NCOA2: variants seen among roughly 807,000 people sequenced by gnomAD.
NCOA2 encodes the protein nuclear receptor coactivator 2.
NCOA2 carries 21 observed loss-of-function variants against 145.1 expected under a neutral mutation model. The observed-to-expected ratio is 0.14, with a 90% CI of 0.10 to 0.21. The LOEUF is 0.21. Among genes scored for constraint, NCOA2 ranks in the 10% least tolerant of loss-of-function variants. NCOA2 has a pLI of 1.00. For missense variants in NCOA2, 1,472 were observed against 1,837.6 expected (o/e 0.80, Z 3.64); for synonymous variants, 619 against 637.5 (o/e 0.97, Z 0.44).
At chr8:70,116,397 C>A (rs1807134583) in intron 22 of NCOA2, among the ~76,000 whole-genome samples, 1 of 151,904 alleles carries the variant, frequency 6.6e-6, no homozygotes, top group Non-Finnish European at 1.5e-5. Flanking sequence ...ACTAAAAATA[C>A]AAAAATTAGC....
At chr8:70,324,223 C>T (rs568154878) in intron 1 of NCOA2, among the ~76,000 whole-genome samples, 189 of 152,318 alleles carry the variant, frequency 1.2e-3, no homozygotes, top group Non-Finnish European at 2.2e-3. Context: ...GACATCTTGT[C>T]AATTTGTGAC....
At chr8:70,418,584 A>G in the NCOA2 span, among the ~76,000 whole-genome samples, 1 of 152,198 alleles carries the variant, frequency 6.6e-6, no homozygotes, top group African/African-American at 2.4e-5. Flanking sequence ...GACCACACCG[A>G]GTCCCCCATA....
At chr8:70,400,227 C>T (rs1210273935) in intron 1 of NCOA2, among the ~76,000 whole-genome samples, 1 of 152,012 alleles carries the variant, frequency 6.6e-6, no homozygotes, top group African/African-American at 2.4e-5. Context: ...CCTTTTCTAC[C>T]CTCCTGCTTC....
In NCOA2 at chr8:70,373,354, G is replaced by C. The variant is rs189222578; in HGVS notation, c.-77+30346C>G. ...TTTATGGTGTTGAATATCTTTTCCT[G>C]TACTTTCAATTTTTTGTGAAGCATC... is the stretch of plus-strand genomic sequence containing the variant. On this transcript the variant is annotated intron_variant, in intron 1 of 22. Transcript: ENST00000452400. Among the ~76,000 whole-genome samples, 111 of 152,124 alleles carry C rather than the reference G, an allele frequency of 7.3e-4. 2 individuals carry two copies. The highest frequency in any genetic ancestry group is 2.7e-3 in the African/African-American group (110 of 41,506).
intron 22 of NCOA2, among the ~76,000 whole-genome samples, chr8:70,116,491 C>T (rs1006746914): frequency 6.6e-6 from 1 of 151,536 alleles, no homozygotes; most frequent in Non-Finnish European, 1.5e-5. Context: ...ACAGAGGCTG[C>T]AGTGAGCTAA....
intron 1 of NCOA2, among the ~76,000 whole-genome samples, chr8:70,398,447 C>T (rs1423356415): frequency 2.6e-5 from 4 of 151,998 alleles, no homozygotes; most frequent in African/African-American, 7.3e-5. Flanking sequence ...GATGACAGAG[C>T]GAGACCATAT....
intron 2 of NCOA2, among the ~76,000 whole-genome samples, chr8:70,286,300 C>T (rs1417550813): frequency 6.6e-6 from 1 of 152,124 alleles, no homozygotes; most frequent in Non-Finnish European, 1.5e-5. Context: ...AGGATCACCT[C>T]TGCCCAGGAG....
intron 2 of NCOA2, among the ~76,000 whole-genome samples, chr8:70,275,162 AAATTCTCT>A (rs1460610948): frequency 6.6e-6 from 1 of 152,232 alleles, no homozygotes; most frequent in Non-Finnish European, 1.5e-5. Flanking sequence ...CCATCTTCTA[AAATTCTCT>A]AATTCTCAAG....
At chr8:70,449,622 A>T in the NCOA2 span, among the ~76,000 whole-genome samples, 3 of 152,124 alleles carry the variant, frequency 2.0e-5, no homozygotes, top group East Asian at 5.8e-4. Context: ...CCCTCCTCCA[A>T]TCTCTACCCA....
intron 3 of NCOA2, among the ~76,000 whole-genome samples, chr8:70,214,348 A>G (rs1490993485): frequency 2.6e-5 from 4 of 152,232 alleles, no homozygotes; most frequent in Non-Finnish European, 5.9e-5. Flanking sequence ...GACTGTGCTC[A>G]CCACTGTGCT....
chr8:70,253,445 C>T (rs1336048481), intron 2 of NCOA2, among the ~76,000 whole-genome samples: 1 of 151,728 alleles, frequency 6.6e-6, no homozygotes, highest in Non-Finnish European at 1.5e-5. Flanking sequence ...ATCAGAATGC[C>T]AGAGTAGAAA....
chr8:70,137,527 C>G (rs1442694563), intron 15 of NCOA2, among the ~76,000 whole-genome samples: 13 of 152,196 alleles, frequency 8.5e-5, no homozygotes, highest in Non-Finnish European at 1.3e-4. Flanking sequence ...GGGTGGGTTT[C>G]TAACATATCA....
Position 70,216,612 on chromosome 8 carries a change from G to A in NCOA2, c.86+48C>T, listed in dbSNP as rs770637447. 9 of 1,436,476 alleles carry A rather than the reference G, an allele frequency of 6.3e-6. No homozygotes were observed. The East Asian group carries it at 2.0e-4, about 33-fold the overall frequency. 89.0% of individuals were successfully genotyped at this position (1,436,476 alleles called of 1,614,324 possible). ...GCTAAAATAACAAAGAAGCACTCAT[G>A]TGGCTTTAACAGACAATACTGATTC... On this transcript the variant is annotated intron_variant, in intron 3 of 22. Transcript: ENST00000452400.
chr8:70,335,697 A>C (rs1464473989), intron 1 of NCOA2, among the ~76,000 whole-genome samples: 1 of 152,166 alleles, frequency 6.6e-6, no homozygotes, highest in Non-Finnish European at 1.5e-5. Context: ...CATACACTAC[A>C]GTCTGTGTCA....
intron 16 of NCOA2, among the ~76,000 whole-genome samples, chr8:70,131,208 G>A (rs1809058119): frequency 6.6e-6 from 1 of 151,880 alleles, no homozygotes; most frequent in Non-Finnish European, 1.5e-5. Context: ...GTAAAGACAG[G>A]GTTTCATTAT....
chr8:70,317,324 C>A (rs1805670519), intron 1 of NCOA2, among the ~76,000 whole-genome samples: 1 of 152,096 alleles, frequency 6.6e-6, no homozygotes, highest in Non-Finnish European at 1.5e-5. Flanking sequence ...GTTAGATTAA[C>A]CAGACATGAA....
At chr8:70,238,611 G>C (rs1294274452) in intron 2 of NCOA2, among the ~76,000 whole-genome samples, 1 of 152,130 alleles carries the variant, frequency 6.6e-6, no homozygotes, top group Non-Finnish European at 1.5e-5. Flanking sequence ...AAATGATCTA[G>C]GTAAAACATA....
At chr8:70,151,235 T>C (rs1343274282) in intron 11 of NCOA2, among the ~76,000 whole-genome samples, 1 of 152,004 alleles carries the variant, frequency 6.6e-6, no homozygotes, top group Admixed American at 6.6e-5. Context: ...ATCCCAGACA[T>C]ATGTAAAAGG....
At chr8:70,241,387 A>G (rs544520330) in intron 2 of NCOA2, among the ~76,000 whole-genome samples, 1 of 152,244 alleles carries the variant, frequency 6.6e-6, no homozygotes, top group Non-Finnish European at 1.5e-5. Flanking sequence ...TCCTTCCTCT[A>G]AAGCAGATTT....
Sources: gnomAD v4.1 joint callset for allele counts (sites outside exome capture counted in the v4.1 genomes callset) on GRCh38, gnomAD v4.1.1 for gene constraint, MANE v1.5 for transcripts, NCBI Gene and HGNC (gene_info 2026-07-23, HGNC 2026-07-21) for gene names.